AFF3: variants seen among roughly 807,000 people sequenced by gnomAD.
The protein encoded by AFF3 is AF4/FMR2 family member 3.
In AFF3, 32 loss-of-function variants were observed where a neutral mutation model predicts 129.7. That is an observed-to-expected ratio of 0.25 (90% CI 0.19 to 0.33). The LOEUF is 0.33. Ranked by LOEUF, AFF3 falls within the 10% of genes least tolerant of loss-of-function variation. AFF3 has a pLI of 1.00. For synonymous variants in AFF3, 644 were observed against 635.4 expected (o/e 1.01, Z -0.20); for missense variants, 1,373 against 1,592.0 (o/e 0.86, Z 2.34).
At chr2:99,682,335 A>G (rs1391562153) in intron 11 of AFF3, among the ~76,000 whole-genome samples, 1 of 152,168 alleles carries the variant, frequency 6.6e-6, no homozygotes, top group African/African-American at 2.4e-5. Context: ...GGAATTTTCT[A>G]ACTTATCTGG....
At chr2:99,950,252 G>A (rs1046475272) in intron 7 of AFF3, among the ~76,000 whole-genome samples, 2 of 152,194 alleles carry the variant, frequency 1.3e-5, no homozygotes, top group South Asian at 2.1e-4. Flanking sequence ...TAAATGGATT[G>A]TTTCTATACT....
Position 99,752,312 on chromosome 2 carries a change from G to T in AFF3, c.922-11C>A. On this transcript the variant is annotated splice_polypyrimidine_tract_variant and intron_variant, in intron 8 of 24. Coordinates refer to ENST00000672756, the MANE Select transcript of AFF3 (RefSeq NM_001386135.1). ...AAGCCAGGTCATCTCCTGAAGGACG[G>T]GATAAAAACAAACAATATTGTGATA... 1 of 1,610,628 alleles carries T rather than the reference G, an allele frequency of 6.2e-7. No homozygotes were observed. Among genetic ancestry groups the T allele is most frequent in the Non-Finnish European group, 8.5e-7 (1 of 1,177,156 alleles).
chr2:99,937,570 T>C (rs897437106), intron 7 of AFF3, among the ~76,000 whole-genome samples: 3 of 152,160 alleles, frequency 2.0e-5, no homozygotes, highest in Non-Finnish European at 2.9e-5. Context: ...AGCTAATTTT[T>C]GTATTTTTAG....
At chr2:99,844,434 CTTTT>C (rs984233053) in intron 7 of AFF3, among the ~76,000 whole-genome samples, 1 of 92,462 alleles carries the variant, frequency 1.1e-5, no homozygotes, top group Non-Finnish European at 2.0e-5. Flanking sequence ...TTTTTCTTTT[CTTTT>C]TTTTTTTTTT....
intron 7 of AFF3, among the ~76,000 whole-genome samples, chr2:100,000,842 C>T (rs72955708): frequency 0.012 from 1,854 of 152,300 alleles, 30 homozygotes; most frequent in African/African-American, 0.042. Flanking sequence ...TCCATAGCTG[C>T]ACCCATTCCA....
intron 7 of AFF3, among the ~76,000 whole-genome samples, chr2:99,871,582 TATTGTGAAC>T (rs1415861959): frequency 6.6e-6 from 1 of 152,234 alleles, no homozygotes; most frequent in African/African-American, 2.4e-5. Context: ...TCGAAGGCCG[TATTGTGAAC>T]ATTGTTACTA....
chr2:100,004,164 T>C (rs1681722262), intron 7 of AFF3, among the ~76,000 whole-genome samples: 1 of 152,180 alleles, frequency 6.6e-6, no homozygotes, highest in Non-Finnish European at 1.5e-5. Flanking sequence ...GCTCTGTAGC[T>C]AACATCCTCA....
chr2:99,559,018 G>C (rs977937408), intron 21 of AFF3, 50 bp from the exon 22 acceptor site: 1 of 1,531,914 alleles, frequency 6.5e-7, no homozygotes, highest in African/African-American at 1.4e-5. Context: ...TGCGTCGTGC[G>C]CAAACAAGAC....
At position 99,644,059 on chromosome 2, in the gene AFF3, C is replaced by T. The variant is rs114603885; in HGVS notation, c.1184+5567G>A. On this transcript the variant is annotated intron_variant, in intron 13 of 24. Transcript: ENST00000672756. ...GCACCCCCAGCCCCAGCACAGCACC[C>T]CACAGAGCATGCTGGATGCGTTCAG... is the stretch of plus-strand genomic sequence containing the variant. 8.9e-3 allele frequency among the ~76,000 whole-genome samples: 1,355 copies of T among 152,270 alleles called. 19 individuals carry two copies. The highest frequency in any genetic ancestry group is 0.03 in the African/African-American group (1,257 of 41,546).
chr2:99,684,899 T>A (rs1303317808), intron 11 of AFF3, among the ~76,000 whole-genome samples: 1 of 151,738 alleles, frequency 6.6e-6, no homozygotes, highest in Admixed American at 6.6e-5. Context: ...ATAACTCTAA[T>A]CTCAAAAAAA....
intron 4 of AFF3, among the ~76,000 whole-genome samples, chr2:100,025,523 A>G (rs1394427448): frequency 1.3e-5 from 2 of 152,186 alleles, no homozygotes; most frequent in African/African-American, 4.8e-5. Context: ...TACCACCATC[A>G]TTCTTCACAG....
chr2:99,918,414 C>A (rs1695627970), intron 7 of AFF3, among the ~76,000 whole-genome samples: 1 of 152,134 alleles, frequency 6.6e-6, no homozygotes, highest in Non-Finnish European at 1.5e-5. Context: ...AAAACATGTT[C>A]ATTACCCTAT....
intron 7 of AFF3, among the ~76,000 whole-genome samples, chr2:99,936,181 T>TA (rs1674509250): frequency 6.6e-6 from 1 of 152,122 alleles, no homozygotes; most frequent in Non-Finnish European, 1.5e-5. Flanking sequence ...GGGTATGAAT[T>TA]AGAGGATCTC....
intron 24 of AFF3, among the ~76,000 whole-genome samples, chr2:99,553,917 CCAAAAAA>C (rs1559468194): frequency 2.8e-5 from 2 of 72,452 alleles, no homozygotes; most frequent in South Asian, 4.0e-4. Context: ...CTGTCTCAAA[CCAAAAAA>C]AAAAAAAAAA....
chr2:99,880,406 A>C (rs1020916040), intron 7 of AFF3, among the ~76,000 whole-genome samples: 1 of 152,106 alleles, frequency 6.6e-6, no homozygotes, highest in Non-Finnish European at 1.5e-5. Flanking sequence ...TCCCCTCGGG[A>C]AAGACCAAAC....
intron 7 of AFF3, among the ~76,000 whole-genome samples, chr2:99,880,740 G>T (rs1162737166): frequency 6.6e-6 from 1 of 152,202 alleles, no homozygotes; most frequent in African/African-American, 2.4e-5. Flanking sequence ...AATAGTGAGG[G>T]TGTGGGAGTT....
At position 99,669,082 on chromosome 2, in the gene AFF3, C is replaced by T. The variant is rs9750383; in HGVS notation, c.1143+3456G>A. The stretch of plus-strand genomic sequence containing the variant: ...CTTACACTGCTGGTGGGACTTTCGA[C>T]TGGTACAACCATTTTGGAAAATGGT... On this transcript the variant is annotated intron_variant, in intron 12 of 24. Coordinates refer to ENST00000672756, the MANE Select transcript of AFF3 (RefSeq NM_001386135.1). Among the ~76,000 whole-genome samples, 799 of 152,258 alleles carry T rather than the reference C, an allele frequency of 5.2e-3. 2 individuals are homozygous for T. The highest frequency in any genetic ancestry group is 9.6e-3 in the Non-Finnish European group (652 of 68,026).
At chr2:99,858,483 C>T (rs1278039449) in intron 7 of AFF3, among the ~76,000 whole-genome samples, 1 of 151,776 alleles carries the variant, frequency 6.6e-6, no homozygotes, top group Non-Finnish European at 1.5e-5. Context: ...CCCAGGAGGT[C>T]GAGGCTGCAG....
chr2:99,556,535 T>C (rs550576670), intron 22 of AFF3, among the ~76,000 whole-genome samples: 1 of 152,354 alleles, frequency 6.6e-6, no homozygotes, highest in South Asian at 2.1e-4. Flanking sequence ...AGTTCTTTTT[T>C]TTTAGAGATA....
Sources: allele counts gnomAD v4.1 joint callset (sites outside exome capture counted in the v4.1 genomes callset), GRCh38; gene constraint gnomAD v4.1.1; transcripts MANE v1.5; gene names NCBI Gene and HGNC (gene_info 2026-07-23, HGNC 2026-07-21).